ASAP1: variants seen among roughly 807,000 people sequenced by gnomAD.
ASAP1 encodes the protein ArfGAP with SH3 domain, ankyrin repeat and PH domain 1, also known as arf-GAP with SH3 domain, ANK repeat and PH domain-containing protein 1.
A neutral mutation model predicts 145.2 loss-of-function variants in ASAP1; 43 were observed. That is an observed-to-expected ratio of 0.30 (90% confidence interval 0.23 to 0.38). ASAP1 has a LOEUF of 0.38. Among genes scored for constraint, ASAP1 ranks in the 10% least tolerant of loss-of-function variants. The pLI is 1.00. For synonymous variants in ASAP1, 546 were observed against 515.5 expected, an observed-to-expected ratio of 1.06 and a Z score of -0.80; for missense variants, 1,018 against 1,355.3, an observed-to-expected ratio of 0.75 and a Z score of 3.91.
At chr8:130,412,112 G>A (rs562207302) in intron 1 of ASAP1, among the ~76,000 whole-genome samples, 1 of 152,308 alleles carries the variant, frequency 6.6e-6, no homozygotes, top group East Asian at 1.9e-4. Flanking sequence ...GGTACAGCTA[G>A]GAATGTCATC....
intron 1 of ASAP1, among the ~76,000 whole-genome samples, chr8:130,402,503 A>G (rs1191625830): frequency 6.6e-6 from 1 of 152,206 alleles, no homozygotes; most frequent in Non-Finnish European, 1.5e-5. Context: ...GAGTGCACAG[A>G]GCACAGGAAG....
At position 130,333,989 on chromosome 8, in the gene ASAP1, G is replaced by A. The variant is rs1824872035; in HGVS notation, c.186+24028C>T. On this transcript the variant is annotated intron_variant, in intron 3 of 29. Transcript: ENST00000518721. ...CTGCCAACTTCTAATGGGGACTGGG[G>A]AACAGGGAAAAGCAGTAGTTAGGAA... Among the ~76,000 whole-genome samples the A allele has an allele frequency of 2.6e-5, 4 of 152,184 alleles. No homozygotes were observed. In the South Asian group the frequency reaches 6.2e-4, roughly 24 times the overall value.
intron 1 of ASAP1, among the ~76,000 whole-genome samples, chr8:130,405,036 A>C (rs1828962766): frequency 6.6e-6 from 1 of 152,004 alleles, no homozygotes; most frequent in Non-Finnish European, 1.5e-5. Flanking sequence ...TTGAGCATGA[A>C]GATACATATC....
intron 1 of ASAP1, among the ~76,000 whole-genome samples, chr8:130,404,368 T>C (rs1828933091): frequency 2.0e-5 from 3 of 152,118 alleles, no homozygotes. Context: ...ATCTTGAAAA[T>C]GAAGAACAAT....
chr8:130,089,752 A>C (rs1268286267), intron 25 of ASAP1, among the ~76,000 whole-genome samples: 1 of 152,230 alleles, frequency 6.6e-6, no homozygotes, highest in African/African-American at 2.4e-5. Context: ...CCACACATAC[A>C]TGCCCATTAC....
intron 25 of ASAP1, among the ~76,000 whole-genome samples, chr8:130,086,920 T>C (rs2097494625): frequency 1.3e-5 from 2 of 152,224 alleles, no homozygotes; most frequent in Non-Finnish European, 2.9e-5. Flanking sequence ...TTAAAGGTTA[T>C]GATCTCTGGC....
At chr8:130,106,061 T>G (rs2097536397) in intron 24 of ASAP1, among the ~76,000 whole-genome samples, 3 of 152,260 alleles carry the variant, frequency 2.0e-5, no homozygotes, top group South Asian at 4.2e-4. Flanking sequence ...AGAGCCTCAG[T>G]CAAGGTCACT....
chr8:130,232,146 G>A (rs1817945101), intron 4 of ASAP1, among the ~76,000 whole-genome samples: 2 of 152,190 alleles, frequency 1.3e-5, no homozygotes, highest in African/African-American at 4.8e-5. Flanking sequence ...CTTGTCTATG[G>A]ACTGGCCTTG....
At chr8:130,343,108 C>T (rs1825489479) in intron 3 of ASAP1, among the ~76,000 whole-genome samples, 1 of 152,208 alleles carries the variant, frequency 6.6e-6, no homozygotes, top group African/African-American at 2.4e-5. Context: ...AACAGGCAGG[C>T]TAGAAGCTGG....
At chr8:130,110,978 T>C (rs1051527434) in intron 24 of ASAP1, among the ~76,000 whole-genome samples, 1 of 152,190 alleles carries the variant, frequency 6.6e-6, no homozygotes, top group Middle Eastern at 3.4e-3. Flanking sequence ...TCTGGGTACC[T>C]CTCAATTATC....
At chr8:130,110,310 G>C (rs1323074756) in intron 24 of ASAP1, among the ~76,000 whole-genome samples, 1 of 152,148 alleles carries the variant, frequency 6.6e-6, no homozygotes, top group Non-Finnish European at 1.5e-5. Context: ...ACAGGCATAG[G>C]CTGTGCCTGT....
chr8:130,271,906 G>A (rs1050100869), intron 3 of ASAP1, among the ~76,000 whole-genome samples: 2 of 151,642 alleles, frequency 1.3e-5, no homozygotes. Flanking sequence ...AAATCTTTAT[G>A]GAAATAAAAA....
At chr8:130,357,472 A>C (rs1826393411) in intron 3 of ASAP1, among the ~76,000 whole-genome samples, 1 of 152,236 alleles carries the variant, frequency 6.6e-6, no homozygotes, top group South Asian at 2.1e-4. Context: ...AGAGACTAAC[A>C]GGGAGGACTC....
chr8:130,431,446 T>C (rs990440898), intron 1 of ASAP1, among the ~76,000 whole-genome samples: 1 of 152,228 alleles, frequency 6.6e-6, no homozygotes. Flanking sequence ...ACGAACCACT[T>C]GTAATTTCCA....
At chr8:130,160,003 A>G in intron 11 of ASAP1, 39 bp from the exon 12 acceptor site, 8 of 1,529,826 alleles carry the variant, frequency 5.2e-6, no homozygotes, top group Non-Finnish European at 7.2e-6. Flanking sequence ...AAAACTAGAG[A>G]CAATTCTCCC....
At chr8:130,079,169 T>C (rs752716) in intron 26 of ASAP1, among the ~76,000 whole-genome samples, 8,136 of 152,308 alleles carry the variant, frequency 0.053, 285 homozygotes, top group Middle Eastern at 0.078. Context: ...CACTCCAGTC[T>C]GGGTGACAGA....
intron 22 of ASAP1, 28 bp downstream of exon 22, chr8:130,116,650 T>A: frequency 6.2e-7 from 1 of 1,602,680 alleles, no homozygotes; most frequent in Non-Finnish European, 8.5e-7. Flanking sequence ...CAATGTCTAA[T>A]AAATCTCCCA....
At chr8:130,187,556 C>T (rs1410464496) in intron 6 of ASAP1, among the ~76,000 whole-genome samples, 1 of 151,958 alleles carries the variant, frequency 6.6e-6, no homozygotes, top group African/African-American at 2.4e-5. Flanking sequence ...GCTAGAACTA[C>T]AGGCACTCAC....
chr8:130,435,151 C>G (rs993919034), intron 1 of ASAP1, among the ~76,000 whole-genome samples: 2 of 152,156 alleles, frequency 1.3e-5, no homozygotes, highest in Non-Finnish European at 2.9e-5. Flanking sequence ...ACAGAAGCTA[C>G]CATCCCCTTT....
Sources: gnomAD v4.1 joint callset for allele counts (sites outside exome capture counted in the v4.1 genomes callset) on GRCh38, gnomAD v4.1.1 for gene constraint, MANE v1.5 for transcripts, NCBI Gene and HGNC (gene_info 2026-07-23, HGNC 2026-07-21) for gene names.